LHFPL3: variants seen among roughly 807,000 people sequenced by gnomAD.
LHFPL3 encodes the protein LHFPL tetraspan subfamily member 3, also known as LHFPL tetraspan subfamily member 3 protein.
In LHFPL3, 5 loss-of-function variants were observed where a neutral mutation model predicts 19.3. The observed-to-expected ratio is 0.26, with a 90% CI of 0.14 to 0.54. The LOEUF is 0.54. LHFPL3 is among the 20% of genes least tolerant of loss of function. The pLI is 0.94. For synonymous variants in LHFPL3, 133 were observed against 126.2 expected, an observed-to-expected ratio of 1.05 and a Z score of -0.36; for missense variants, 249 against 307.4, an observed-to-expected ratio of 0.81 and a Z score of 1.42.
rs371475727 is a variant in LHFPL3, at chr7:104,833,065, T to TAA, written c.683-73121_683-73120insAA. On this transcript the variant is annotated intron_variant, in intron 2 of 2. Coordinates refer to ENST00000424859, the MANE Select transcript of LHFPL3 (RefSeq NM_199000.3). ...TATATTATATATATATTATATATAA[T>TAA]ATATATATTATATATATCTAATATA... Among the ~76,000 whole-genome samples the TAA allele has an allele frequency of 2.3e-5, 2 of 85,498 alleles. 1 individual carries two copies. The highest frequency in any genetic ancestry group is 4.3e-5 in the Non-Finnish European group (2 of 46,792). 56.1% of individuals were successfully genotyped at this position (85,498 alleles called of 152,430 possible). A position where few individuals can be genotyped will look rare whatever the true frequency, so the allele number is the denominator to read the frequency against.
chr7:104,556,042 C>A (rs905868356), intron 1 of LHFPL3, among the ~76,000 whole-genome samples: 4 of 152,220 alleles, frequency 2.6e-5, no homozygotes, highest in Non-Finnish European at 5.9e-5. Flanking sequence ...CTCCCATGGC[C>A]TTAGGCAGAT....
intron 1 of LHFPL3, among the ~76,000 whole-genome samples, chr7:104,573,086 G>A (rs546884352): frequency 7.2e-5 from 11 of 152,152 alleles, no homozygotes; most frequent in African/African-American, 2.7e-4. Context: ...CCTTTCAATC[G>A]ATTCATTTGG....
intron 1 of LHFPL3, among the ~76,000 whole-genome samples, chr7:104,597,559 C>T (rs1790887258): frequency 6.6e-6 from 1 of 152,136 alleles, no homozygotes; most frequent in African/African-American, 2.4e-5. Context: ...CCTCTATTGA[C>T]ATGGTGGGGG....
intron 1 of LHFPL3, among the ~76,000 whole-genome samples, chr7:104,683,318 TTTTG>T (rs759271629): frequency 2.6e-5 from 4 of 152,184 alleles, no homozygotes; most frequent in African/African-American, 7.2e-5. Flanking sequence ...CTGTTGGTTT[TTTTG>T]TTTGTTTGTT....
intron 2 of LHFPL3, among the ~76,000 whole-genome samples, chr7:104,877,491 T>C: frequency 6.6e-6 from 1 of 152,112 alleles, no homozygotes; most frequent in Admixed American, 6.5e-5. Context: ...AAAAAATATA[T>C]ACAGATGTCC....
At chr7:104,414,488 T>G (rs1791586349) in intron 1 of LHFPL3, among the ~76,000 whole-genome samples, 1 of 152,234 alleles carries the variant, frequency 6.6e-6, no homozygotes, top group Non-Finnish European at 1.5e-5. Context: ...TGGGGAACTC[T>G]GAAATGAAAC....
chr7:104,504,006 T>C (rs1463513925), intron 1 of LHFPL3, among the ~76,000 whole-genome samples: 1 of 152,348 alleles, frequency 6.6e-6, no homozygotes, highest in South Asian at 2.1e-4. Flanking sequence ...ATCACACTTA[T>C]GCAATCCATT....
rs1458124772 is a variant in LHFPL3 at position 104,398,100 on chromosome 7, A to G, written c.445+68876A>G. On this transcript the variant is annotated intron_variant, in intron 1 of 2. Coordinates refer to ENST00000424859, the MANE Select transcript of LHFPL3 (RefSeq NM_199000.3). ...TGTAAGTCTCTACAGCTTTTCTTCA[A>G]CTTTCTTCTAACAGAAAGATCACAC... 2.6e-5 allele frequency among the ~76,000 whole-genome samples: 4 copies of G among 151,186 alleles called. No individual in the cohort carries two copies. The East Asian group carries it at 7.8e-4, about 29-fold the overall frequency.
intron 1 of LHFPL3, among the ~76,000 whole-genome samples, chr7:104,395,045 T>C (rs1200202342): frequency 1.3e-5 from 2 of 152,040 alleles, no homozygotes; most frequent in Admixed American, 6.6e-5. Flanking sequence ...TGCTGTAACT[T>C]GTTCTTGCCC....
chr7:104,800,954 A>G (rs1333283921), intron 2 of LHFPL3, among the ~76,000 whole-genome samples: 2 of 152,208 alleles, frequency 1.3e-5, no homozygotes, highest in African/African-American at 4.8e-5. Flanking sequence ...AGAGAATTCC[A>G]CATTCATCTG....
chr7:104,900,532 A>G (rs73184023), intron 2 of LHFPL3, among the ~76,000 whole-genome samples: 3,547 of 152,302 alleles, frequency 0.023, 50 homozygotes, highest in Middle Eastern at 0.037. Flanking sequence ...AATTTTAGTA[A>G]TTATCCTCCA....
intron 1 of LHFPL3, among the ~76,000 whole-genome samples, chr7:104,433,838 ACTGTAAGATC>A (rs1238290093): frequency 3.9e-5 from 6 of 152,054 alleles, no homozygotes; most frequent in Admixed American, 3.9e-4. Flanking sequence ...TCCCTTCTAC[ACTGTAAGATC>A]CTTGGGTCTT....
At chr7:104,370,238 G>A (rs899335515) in intron 1 of LHFPL3, among the ~76,000 whole-genome samples, 6 of 152,200 alleles carry the variant, frequency 3.9e-5, no homozygotes, top group Admixed American at 3.9e-4. Context: ...CTGAGGAGGT[G>A]CAAAGAGCCT....
At chr7:104,427,868 C>T (rs371683421) in intron 1 of LHFPL3, among the ~76,000 whole-genome samples, 1 of 152,212 alleles carries the variant, frequency 6.6e-6, no homozygotes, top group Non-Finnish European at 1.5e-5. Flanking sequence ...CAAAACACCT[C>T]GTGCATCAGT....
At chr7:104,727,397 C>G (rs1793611738) in intron 1 of LHFPL3, among the ~76,000 whole-genome samples, 1 of 152,136 alleles carries the variant, frequency 6.6e-6, no homozygotes, top group South Asian at 2.1e-4. Context: ...GAAATCTTTG[C>G]CCATGCCTAT....
At chr7:104,371,267 C>G (rs1035185149) in intron 1 of LHFPL3, among the ~76,000 whole-genome samples, 2 of 152,178 alleles carry the variant, frequency 1.3e-5, no homozygotes, top group Admixed American at 1.3e-4. Context: ...TTAATCTTGT[C>G]TCCCATTTTC....
At chr7:104,623,059 C>T (rs764036804) in intron 1 of LHFPL3, 105 of 324,380 alleles carry the variant, frequency 3.2e-4, no homozygotes, top group South Asian at 2.3e-3. Flanking sequence ...TTCATGTATT[C>T]ATTATTTCTA....
chr7:104,545,793 T>A (rs1437123891), intron 1 of LHFPL3, among the ~76,000 whole-genome samples: 1 of 152,178 alleles, frequency 6.6e-6, no homozygotes, highest in Admixed American at 6.6e-5. Flanking sequence ...GCAAATCTAT[T>A]TGAAAAGTTG....
At chr7:104,689,808 T>C (rs902760273) in intron 1 of LHFPL3, among the ~76,000 whole-genome samples, 1 of 152,036 alleles carries the variant, frequency 6.6e-6, no homozygotes, top group Non-Finnish European at 1.5e-5. Flanking sequence ...ATTAATGAAG[T>C]TTTAGCTCAG....
Sources: allele counts gnomAD v4.1 joint callset (sites outside exome capture counted in the v4.1 genomes callset), GRCh38; gene constraint gnomAD v4.1.1; transcripts MANE v1.5; gene names NCBI Gene and HGNC (gene_info 2026-07-23, HGNC 2026-07-21).